The following CDC14A variants were observed in gnomAD, a reference collection of about 807,000 sequenced individuals.
CDC14A encodes the protein cell division cycle 14A.
In CDC14A, 53 loss-of-function variants were observed where a neutral mutation model predicts 74.4. The observed-to-expected ratio is 0.71, with a 90% CI of 0.57 to 0.89. The LOEUF is 0.89. Among genes scored for constraint, CDC14A ranks in the 40% least tolerant of loss-of-function variants. CDC14A has a pLI of 0.00. For missense variants in CDC14A, 646 were observed against 713.7 expected (o/e 0.91, Z 1.08); for synonymous variants, 247 against 258.4 (o/e 0.96, Z 0.43).
chr1:100,512,864 C>A (rs1415318999), intron 15 of CDC14A, among the ~76,000 whole-genome samples: 3 of 152,052 alleles, frequency 2.0e-5, no homozygotes, highest in Non-Finnish European at 2.9e-5. Context: ...TAAAACCATA[C>A]CCAGCTACAT....
chr1:100,415,582 A>G (rs1011864064), intron 4 of CDC14A, among the ~76,000 whole-genome samples: 1 of 152,202 alleles, frequency 6.6e-6, no homozygotes, highest in Non-Finnish European at 1.5e-5. Context: ...TTTATAATGG[A>G]CTCAAAACTT....
At chr1:100,495,572 G>A (rs2101423496) in intron 12 of CDC14A, among the ~76,000 whole-genome samples, 1 of 152,232 alleles carries the variant, frequency 6.6e-6, no homozygotes. Flanking sequence ...TATACTGGGT[G>A]GCAAGGCCCC....
Position 100,352,894 on chromosome 1 carries a change from C to G in CDC14A, c.-61C>G, listed in dbSNP as rs1453439408. The G allele has an allele frequency of 2.5e-6, 4 of 1,611,126 alleles. No homozygotes were observed. Among genetic ancestry groups the G allele is most frequent in the Non-Finnish European group, 3.4e-6 (4 of 1,179,188 alleles). ...GGCTCCTGGGCAGTGGGGAAGCCCCCGGGGGCGAGTGACTTCAGCTGGCCA... is the reference window on the plus strand; with the variant it reads ...GGCTCCTGGGCAGTGGGGAAGCCCCGGGGGGCGAGTGACTTCAGCTGGCCA... On this transcript the variant is annotated 5_prime_UTR_variant, in exon 1 of 16. Coordinates refer to ENST00000336454, the MANE Select transcript of CDC14A (RefSeq NM_003672.4).
chr1:100,380,818 C>G (rs1656001500), intron 3 of CDC14A, among the ~76,000 whole-genome samples: 1 of 152,226 alleles, frequency 6.6e-6, no homozygotes, highest in Non-Finnish European at 1.5e-5. Context: ...TTGCACTTTA[C>G]TCTACCATAC....
chr1:100,378,928 A>G (rs1369568560), intron 3 of CDC14A, among the ~76,000 whole-genome samples: 2 of 152,218 alleles, frequency 1.3e-5, no homozygotes, highest in Non-Finnish European at 2.9e-5. Flanking sequence ...GGAAGTAAAT[A>G]ATATCCTTTT....
In CDC14A at chr1:100,439,929, T is replaced by C. The variant is rs748437795; in HGVS notation, c.390-3T>C. The C allele has an allele frequency of 6.2e-7, 1 of 1,606,650 alleles. No individual in the cohort carries two copies. Among genetic ancestry groups the C allele is most frequent in the South Asian group, 1.1e-5 (1 of 90,866 alleles). On this transcript the variant is annotated splice_polypyrimidine_tract_variant and splice_region_variant and intron_variant, in intron 5 of 15. Coordinates refer to ENST00000336454, the MANE Select transcript of CDC14A (RefSeq NM_003672.4). ...TTAATGTTGAGTTTATTTATGTTTA[T>C]AGGGATGCTTCCTTTGGAAATTGCA...
intron 3 of CDC14A, among the ~76,000 whole-genome samples, chr1:100,385,274 A>G (rs939503204): frequency 6.6e-6 from 1 of 152,108 alleles, no homozygotes; most frequent in African/African-American, 2.4e-5. Flanking sequence ...GTGGATTTCA[A>G]TGTGTGGTGT....
Position 100,499,008 on chromosome 1 carries a change from T to C in CDC14A, c.1501T>C (p.Ser501Pro). 6.2e-7 allele frequency: 1 copy of C among 1,614,070 alleles called. No individual in the cohort carries two copies. The highest frequency in any genetic ancestry group is 8.5e-7 in the Non-Finnish European group (1 of 1,180,018). ...AGATGATCCAGAGAACAAAAAGACC[T>C]CCTCATCCTCTAAGGCAGGCTTCAC... is the stretch of plus-strand genomic sequence containing the variant. ...ATDDPENKKT[S>P]SSSKAGFTAS... is the part of the protein sequence containing the mutation. The change falls in exon 15 of 16, where the codon TCC becomes CCC. Residue 501 changes from serine (S) to proline (P), a missense_variant. Physicochemically the swap from Ser to Pro is moderately conservative, Grantham distance 74 (BLOSUM62 -1). Coordinates refer to ENST00000336454, the MANE Select transcript of CDC14A (RefSeq NM_003672.4).
rs202211124 is a variant in CDC14A, at chr1:100,442,928, T to C, written c.457-6T>C. 1.0e-3 allele frequency: 1,657 copies of C among 1,585,036 alleles called. 3 individuals carry two copies. The highest frequency in any genetic ancestry group is 1.3e-3 in the Non-Finnish European group (1,517 of 1,154,372). ...ATGGAAAAACTAATTCAAATTCTGCTTTTAGGGATTACAACATGGATTTTT... is the reference window on the plus strand; with the variant it reads ...ATGGAAAAACTAATTCAAATTCTGCCTTTAGGGATTACAACATGGATTTTT... On this transcript the variant is annotated splice_region_variant and splice_polypyrimidine_tract_variant and intron_variant, in intron 6 of 15. Transcript: ENST00000336454.
intron 13 of CDC14A, among the ~76,000 whole-genome samples, chr1:100,497,452 A>G (rs559747811): frequency 9.2e-4 from 140 of 152,348 alleles, no homozygotes; most frequent in African/African-American, 3.1e-3. Flanking sequence ...AAGAGTTTCT[A>G]TAGGCTTGTG....
At chr1:100,511,325 T>G (rs1649763681) in intron 15 of CDC14A, among the ~76,000 whole-genome samples, 1 of 152,178 alleles carries the variant, frequency 6.6e-6, no homozygotes, top group African/African-American at 2.4e-5. Flanking sequence ...CCTTGTCTCT[T>G]TGATACTCCT....
chr1:100,420,063 C>CACACATATATATATATATAT lies in CDC14A; in HGVS notation c.310-4158_310-4157insCACATATATATATATATATA. The stretch of plus-strand genomic sequence containing the variant: ...ACACACACACACACACACACACACA[C>CACACATATATATATATATAT]ATATATATATATATATATAGTGTGT... On this transcript the variant is annotated intron_variant, in intron 4 of 15. Coordinates refer to ENST00000336454, the MANE Select transcript of CDC14A (RefSeq NM_003672.4). Among the ~76,000 whole-genome samples the CACACATATATATATATATAT allele has an allele frequency of 1.9e-3, 117 of 61,556 alleles. 4 individuals are homozygous for CACACATATATATATATATAT. Among genetic ancestry groups the CACACATATATATATATATAT allele is most frequent in the Middle Eastern group, 0.013 (1 of 78 alleles). The allele number at this position is 61,556 out of a possible 152,430, so 40.4% of individuals were successfully genotyped here. A position where few individuals can be genotyped will look rare whatever the true frequency, so the allele number is the denominator to read the frequency against.
At chr1:100,398,520 C>A (rs1658841507) in intron 4 of CDC14A, among the ~76,000 whole-genome samples, 1 of 151,998 alleles carries the variant, frequency 6.6e-6, no homozygotes, top group South Asian at 2.1e-4. Context: ...TTGTTTAAAC[C>A]AAATGAATTT....
rs144234890 is a variant in CDC14A, at chr1:100,428,246, G to T, written c.389+3945G>T. Among the ~76,000 whole-genome samples, 645 of 152,304 alleles carry T rather than the reference G, an allele frequency of 4.2e-3. 6 individuals carry two copies. Among genetic ancestry groups the T allele is most frequent in the African/African-American group, 0.014 (595 of 41,566 alleles). On this transcript the variant is annotated intron_variant, in intron 5 of 15. Coordinates refer to ENST00000336454, the MANE Select transcript of CDC14A (RefSeq NM_003672.4). ...AATTTCTGGCTTGTGTGACAGCAGTGAGTGTTGTGATGTCACTTGTGAGTC... is the reference window on the plus strand; with the variant it reads ...AATTTCTGGCTTGTGTGACAGCAGTTAGTGTTGTGATGTCACTTGTGAGTC...
chr1:100,462,517 C>A, intron 8 of CDC14A, 134 bp from the exon 9 acceptor site: 1 of 685,278 alleles, frequency 1.5e-6, no homozygotes, highest in Non-Finnish European at 2.5e-6. Context: ...TTGCTGTGAC[C>A]TCTTCTCTCA....
intron 5 of CDC14A, among the ~76,000 whole-genome samples, chr1:100,439,211 G>T (rs1169134469): frequency 6.6e-6 from 1 of 152,152 alleles, no homozygotes; most frequent in African/African-American, 2.4e-5. Flanking sequence ...AGAAGCTCTC[G>T]TGGCTCCCAG....
chr1:100,503,614 G>A (rs1020422411), intron 15 of CDC14A, among the ~76,000 whole-genome samples: 22 of 152,316 alleles, frequency 1.4e-4, no homozygotes, highest in Non-Finnish European at 2.9e-4. Context: ...AGAATGCTGA[G>A]GAACAGTCAG....
At chr1:100,370,015 A>G (rs926764012) in intron 2 of CDC14A, among the ~76,000 whole-genome samples, 5 of 150,424 alleles carry the variant, frequency 3.3e-5, no homozygotes, top group Non-Finnish European at 7.4e-5. Context: ...ACAGGGTCTC[A>G]TTTTGTCACC....
chr1:100,394,049 TA>T, intron 4 of CDC14A: 1 of 243,422 alleles, frequency 4.1e-6, no homozygotes. Flanking sequence ...AGGTTTGCCC[TA>T]CTCTTCTCAT....
Sources: allele counts gnomAD v4.1 joint callset (sites outside exome capture counted in the v4.1 genomes callset), GRCh38; gene constraint gnomAD v4.1.1; transcripts MANE v1.5; gene names NCBI Gene and HGNC (gene_info 2026-07-23, HGNC 2026-07-21).